Variants in INPP4B observed in about 807,000 individuals in gnomAD.
INPP4B encodes inositol polyphosphate-4-phosphatase type II B, also known as inositol polyphosphate 4-phosphatase type II.
Under a neutral mutation model 122.5 loss-of-function variants are expected in INPP4B, and 55 were observed. That is an observed-to-expected ratio of 0.45 (90% CI 0.36 to 0.56). The LOEUF is 0.56. Ranked by LOEUF, INPP4B falls within the 20% of genes least tolerant of loss-of-function variation. The pLI is 0.00. For synonymous variants in INPP4B, 403 were observed against 388.7 expected (o/e 1.04, Z -0.43); for missense variants, 1,000 against 1,097.7 (o/e 0.91, Z 1.26).
At chr4:142,471,101 T>A (rs963503113) in intron 2 of INPP4B, among the ~76,000 whole-genome samples, 1 of 151,480 alleles carries the variant, frequency 6.6e-6, no homozygotes, top group African/African-American at 2.5e-5. Flanking sequence ...TCCATCTTAC[T>A]ATTCTTTAAC....
At chr4:142,031,375 A>ACAAGT (rs2152273251) in intron 25 of INPP4B, among the ~76,000 whole-genome samples, 1 of 152,290 alleles carries the variant, frequency 6.6e-6, no homozygotes, top group South Asian at 2.1e-4. Context: ...CAATCCCCAA[A>ACAAGT]CAAGTCCTAT....
chr4:142,220,254 T>G (rs1291994493), intron 12 of INPP4B, among the ~76,000 whole-genome samples: 1 of 152,132 alleles, frequency 6.6e-6, no homozygotes, highest in East Asian at 1.9e-4. Flanking sequence ...AAGGACAAGA[T>G]TAGAGGCTCC....
chr4:142,705,201 G>C (rs187720150), intron 2 of INPP4B, among the ~76,000 whole-genome samples: 8 of 152,150 alleles, frequency 5.3e-5, no homozygotes, highest in Admixed American at 5.2e-4. Flanking sequence ...CCCTGGATTA[G>C]ATGGGAACCT....
intron 9 of INPP4B, among the ~76,000 whole-genome samples, chr4:142,301,263 A>C (rs1332142676): frequency 6.6e-6 from 1 of 152,166 alleles, no homozygotes; most frequent in Non-Finnish European, 1.5e-5. Flanking sequence ...ATGAATTGAA[A>C]CTCCAACAAA....
chr4:142,138,719 G>A (rs1390945597), intron 18 of INPP4B, among the ~76,000 whole-genome samples: 1 of 152,008 alleles, frequency 6.6e-6, no homozygotes, highest in African/African-American at 2.4e-5. Flanking sequence ...CTCCCCTACA[G>A]GCTTGTTGTG....
chr4:142,823,802 T>C (rs1407761062), intron 1 of INPP4B, among the ~76,000 whole-genome samples: 1 of 152,172 alleles, frequency 6.6e-6, no homozygotes, highest in African/African-American at 2.4e-5. Context: ...GTAAGAACAG[T>C]CAGTCCTTGT....
intron 5 of INPP4B, among the ~76,000 whole-genome samples, chr4:142,413,730 A>T (rs1805092832): frequency 6.6e-6 from 1 of 152,174 alleles, no homozygotes; most frequent in Admixed American, 6.5e-5. Flanking sequence ...TTAACTAACC[A>T]GCCAGTCAAT....
At chr4:142,641,161 G>A (rs1408163152) in intron 2 of INPP4B, among the ~76,000 whole-genome samples, 1 of 151,934 alleles carries the variant, frequency 6.6e-6, no homozygotes, top group South Asian at 2.1e-4. Flanking sequence ...TGTCACAACT[G>A]GAAACAACTG....
chr4:142,239,810 T>G (rs1276542792), intron 11 of INPP4B, among the ~76,000 whole-genome samples: 2 of 152,076 alleles, frequency 1.3e-5, no homozygotes, highest in Non-Finnish European at 2.9e-5. Context: ...TGTTTCTTAT[T>G]TAGCAACATA....
intron 11 of INPP4B, among the ~76,000 whole-genome samples, chr4:142,243,507 C>T (rs1015684439): frequency 1.3e-4 from 20 of 152,296 alleles, no homozygotes; most frequent in Non-Finnish European, 2.1e-4. Flanking sequence ...TGAAAAGGAT[C>T]AAGGGCCAAT....
At chr4:142,585,764 C>A (rs983151990) in intron 2 of INPP4B, among the ~76,000 whole-genome samples, 2 of 151,830 alleles carry the variant, frequency 1.3e-5, no homozygotes, top group Admixed American at 1.3e-4. Flanking sequence ...TATCTCTTTC[C>A]ATGACTTGAG....
chr4:142,656,994 T>C (rs114325946), intron 2 of INPP4B, among the ~76,000 whole-genome samples: 1,756 of 152,288 alleles, frequency 0.012, 31 homozygotes, highest in African/African-American at 0.032. Context: ...GCATGGCCAG[T>C]AGCCACTTGG....
chr4:142,126,980 G>A (rs1172179466), intron 18 of INPP4B, among the ~76,000 whole-genome samples: 3 of 152,062 alleles, frequency 2.0e-5, no homozygotes, highest in Admixed American at 6.6e-5. Flanking sequence ...AATTTTAAAC[G>A]ATAACAGACT....
intron 1 of INPP4B, among the ~76,000 whole-genome samples, chr4:142,799,272 T>C (rs1392831317): frequency 1.3e-5 from 2 of 151,884 alleles, no homozygotes; most frequent in African/African-American, 4.8e-5. Context: ...CTCATCGGTC[T>C]CAATATATTT....
intron 2 of INPP4B, among the ~76,000 whole-genome samples, chr4:142,494,793 T>C (rs780210986): frequency 1.3e-5 from 2 of 152,166 alleles, no homozygotes; most frequent in Admixed American, 6.5e-5. Context: ...TATCTTTGCA[T>C]AGGACACCTC....
intron 7 of INPP4B, among the ~76,000 whole-genome samples, chr4:142,346,133 G>A (rs74465856): frequency 1.6e-4 from 25 of 152,094 alleles, no homozygotes; most frequent in African/African-American, 4.6e-4. Flanking sequence ...ATCCTCTTAC[G>A]TGGTGCTGAG....
intron 2 of INPP4B, among the ~76,000 whole-genome samples, chr4:142,722,761 G>A (rs1764851150): frequency 6.6e-6 from 1 of 152,128 alleles, no homozygotes; most frequent in Admixed American, 6.5e-5. Context: ...GCATTGTATG[G>A]TATATATCAG....
chr4:142,205,074 G>A (rs1311839700), intron 14 of INPP4B, among the ~76,000 whole-genome samples: 1 of 151,994 alleles, frequency 6.6e-6, no homozygotes, highest in Non-Finnish European at 1.5e-5. Context: ...TTTCAAATCA[G>A]AGAATCAGAA....
intron 11 of INPP4B, 33 bp from the exon 12 acceptor site, chr4:142,238,044 T>G (rs747292243): frequency 1.8e-6 from 2 of 1,132,830 alleles, no homozygotes; most frequent in Non-Finnish European, 2.6e-6. Context: ...ATAGTTAAAT[T>G]CTAAGCAAAT....
Sources: gnomAD v4.1 joint callset for allele counts (sites outside exome capture counted in the v4.1 genomes callset) on GRCh38, gnomAD v4.1.1 for gene constraint, MANE v1.5 for transcripts, NCBI Gene and HGNC (gene_info 2026-07-23, HGNC 2026-07-21) for gene names.